The following LAMA2 variants were observed in gnomAD, a reference collection of about 807,000 sequenced individuals.
LAMA2 encodes the protein laminin subunit alpha 2, also known as laminin subunit alpha-2.
In LAMA2, 269 loss-of-function variants were observed where a neutral mutation model predicts 364.8. The ratio of observed to expected loss-of-function variants is 0.74; its 90% CI spans 0.67 to 0.82. LAMA2 has a LOEUF of 0.82. LAMA2 is among the 40% of genes least tolerant of loss of function. LAMA2 has a pLI of 0.00. For missense variants in LAMA2, 3,807 were observed against 3,873.2 expected, an observed-to-expected ratio of 0.98 and a Z score of 0.45; for synonymous variants, 1,379 against 1,370.6, an observed-to-expected ratio of 1.01 and a Z score of -0.14.
intron 4 of LAMA2, among the ~76,000 whole-genome samples, chr6:129,128,859 T>C (rs1277956548): frequency 6.6e-6 from 1 of 152,256 alleles, no homozygotes; most frequent in Non-Finnish European, 1.5e-5. Context: ...AGTAAAATCT[T>C]TTCCATGGTG....
rs1789299050 is a variant in LAMA2 at position 129,287,032 on chromosome 6, GAGGGAGGAAGGAAGGAAGCAAGGA to G, written c.2538-811_2538-788del. ...GGAAGGAGGGAGAGAGGGAGGGAGG[GAGGGAGGAAGGAAGGAAGCAAGGA>G]AGGAAGGAAGGGAGGAAAGAGGGAG... On this transcript the variant is annotated intron_variant, in intron 18 of 64. Coordinates refer to ENST00000421865, the MANE Select transcript of LAMA2 (RefSeq NM_000426.4). Among the ~76,000 whole-genome samples, 3 of 12,150 alleles carry G rather than the reference GAGGGAGGAAGGAAGGAAGCAAGGA, an allele frequency of 2.5e-4. 1 individual carries two copies. Among genetic ancestry groups the G allele is most frequent in the Non-Finnish European group, 3.7e-4 (2 of 5,414 alleles). The allele number at this position is 12,150 out of a possible 152,430, so 8.0% of individuals were successfully genotyped here.
rs1789295760 is a variant in LAMA2 at position 129,066,047 on chromosome 6, T to TTTTTCTTTTTTTTC, written c.396+6155_396+6156insCTTTTTTTTCTTTT. ...AATTGCCCAGTCTCAGGTTTTTTTTTTTTTTTTTTTTTTTTTGAGACGCAG... is the reference window on the plus strand; with the variant it reads ...AATTGCCCAGTCTCAGGTTTTTTTTTTTTTCTTTTTTTTCTTTTTTTTTTTTTTTTGAGACGCAG... On this transcript the variant is annotated intron_variant, in intron 3 of 64. Coordinates refer to ENST00000421865, the MANE Select transcript of LAMA2 (RefSeq NM_000426.4). Among the ~76,000 whole-genome samples the TTTTTCTTTTTTTTC allele has an allele frequency of 2.4e-5, 2 of 81,864 alleles. 1 individual carries two copies. The highest frequency in any genetic ancestry group is 5.0e-5 in the Non-Finnish European group (2 of 40,334). 53.7% of individuals were successfully genotyped at this position (81,864 alleles called of 152,430 possible).
At chr6:129,362,264 C>T (rs1370445967) in intron 32 of LAMA2, among the ~76,000 whole-genome samples, 2 of 152,186 alleles carry the variant, frequency 1.3e-5, no homozygotes, top group Non-Finnish European at 2.9e-5. Flanking sequence ...ATCGGACAGT[C>T]TCTGCCTCTG....
At chr6:129,358,447 C>A (rs1376148001) in intron 32 of LAMA2, among the ~76,000 whole-genome samples, 1 of 151,986 alleles carries the variant, frequency 6.6e-6, no homozygotes, top group Non-Finnish European at 1.5e-5. Context: ...TCTACTCTGG[C>A]AAGGCTCAGG....
At chr6:129,283,177 T>C (rs1788847255) in intron 18 of LAMA2, among the ~76,000 whole-genome samples, 1 of 152,130 alleles carries the variant, frequency 6.6e-6, no homozygotes. Flanking sequence ...GTATTCATGA[T>C]GATACCTTTG....
intron 42 of LAMA2, among the ~76,000 whole-genome samples, chr6:129,439,471 GAC>G (rs1001992189): frequency 6.6e-6 from 1 of 151,926 alleles, no homozygotes; most frequent in Non-Finnish European, 1.5e-5. Context: ...CCACCACAAA[GAC>G]ACAGTTTATT....
At chr6:129,121,392 C>CTGGGCTATTATGCTG in intron 4 of LAMA2, among the ~76,000 whole-genome samples, 1 of 152,228 alleles carries the variant, frequency 6.6e-6, no homozygotes, top group African/African-American at 2.4e-5. Flanking sequence ...CTGTTGTTTA[C>CTGGGCTATTATGCTG]CATTGCATTT....
chr6:129,165,863 TTAATTA>T (rs1162920763), intron 9 of LAMA2, among the ~76,000 whole-genome samples, 188 bp downstream of exon 9: 1 of 152,202 alleles, frequency 6.6e-6, no homozygotes, highest in Non-Finnish European at 1.5e-5. Flanking sequence ...ACTTTCATGT[TTAATTA>T]TAATGTTTTC....
Position 129,516,239 on chromosome 6 carries a change from C to G in LAMA2, c.9261C>G (p.Cys3087Trp). 3.7e-6 allele frequency: 6 copies of G among 1,614,110 alleles called. No homozygotes were observed. Among genetic ancestry groups the G allele is most frequent in the Middle Eastern group, 1.6e-4 (1 of 6,062 alleles). The change falls in exon 65 of 65, where the codon TGC becomes TGG. Residue 3087 changes from cysteine to tryptophan, a missense_variant. By Grantham distance (215) the Cys-to-Trp change is radical. Coordinates refer to ENST00000421865, the MANE Select transcript of LAMA2 (RefSeq NM_000426.4). ...CAACCAGTATTCCGTTCCGAGGTTG[C>G]ATCAGATCCCTGAAGCTCACCAAAG... ...GLTTSIPFRGCIRSLKLTKGT... is the reference protein window; with the variant it reads ...GLTTSIPFRGWIRSLKLTKGT...
intron 4 of LAMA2, among the ~76,000 whole-genome samples, chr6:129,133,706 C>A (rs144406027): frequency 6.6e-6 from 1 of 152,296 alleles, no homozygotes; most frequent in East Asian, 1.9e-4. Context: ...AAGTCTCTGA[C>A]ATCTTGAGTT....
At chr6:128,941,285 T>A (rs1041880842) in intron 1 of LAMA2, among the ~76,000 whole-genome samples, 2 of 152,226 alleles carry the variant, frequency 1.3e-5, no homozygotes, top group Non-Finnish European at 1.5e-5. Context: ...ACCCGCCATA[T>A]AATGTTAGGT....
In LAMA2 at chr6:129,243,934, A is replaced by G. The variant is rs189647464; in HGVS notation, c.1783-6178A>G. ...GGAGAAGATGGGTAACAGGAAAAAA[A>G]GAGGGCAGGAAAAGCAGATAGGAAG... is the stretch of plus-strand genomic sequence containing the variant. On this transcript the variant is annotated intron_variant, in intron 12 of 64. Transcript: ENST00000421865. Among the ~76,000 whole-genome samples, 105 of 152,062 alleles carry G rather than the reference A, an allele frequency of 6.9e-4. 1 individual carries two copies. The highest frequency in any genetic ancestry group is 2.4e-3 in the African/African-American group (99 of 41,516).
chr6:128,959,121 C>T (rs1439886300), intron 1 of LAMA2, among the ~76,000 whole-genome samples: 3 of 152,094 alleles, frequency 2.0e-5, no homozygotes, highest in Admixed American at 2.0e-4. Flanking sequence ...TTAATAATTG[C>T]TTTGTTTTGA....
At chr6:129,101,629 A>C (rs1000937541) in intron 4 of LAMA2, among the ~76,000 whole-genome samples, 6 of 152,342 alleles carry the variant, frequency 3.9e-5, no homozygotes, top group Non-Finnish European at 8.8e-5. Context: ...AAATTAAATT[A>C]AAATTCCATT....
At chr6:129,316,284 T>G (rs1562452031) in intron 27 of LAMA2, 113 bp downstream of exon 27, 1 of 861,400 alleles carries the variant, frequency 1.2e-6, no homozygotes. Context: ...TGCAGTATAA[T>G]GATAGAAGAT....
At chr6:129,434,121 A>T (rs1037266833) in intron 41 of LAMA2, among the ~76,000 whole-genome samples, 14 of 152,166 alleles carry the variant, frequency 9.2e-5, no homozygotes. Flanking sequence ...GCCCTAATTT[A>T]TATTTAGCAT....
At chr6:129,147,355 G>A (rs1778527742) in intron 6 of LAMA2, among the ~76,000 whole-genome samples, 1 of 149,350 alleles carries the variant, frequency 6.7e-6, no homozygotes. Flanking sequence ...TAGCTTTAGA[G>A]AACGCCTGCC....
At chr6:129,363,164 T>A (rs1264976023) in intron 32 of LAMA2, among the ~76,000 whole-genome samples, 2 of 152,062 alleles carry the variant, frequency 1.3e-5, no homozygotes, top group African/African-American at 4.8e-5. Flanking sequence ...ACTAGCTGGA[T>A]GTGGTGGCAT....
chr6:129,223,041 G>A (rs1200130624), intron 12 of LAMA2, among the ~76,000 whole-genome samples: 3 of 152,172 alleles, frequency 2.0e-5, no homozygotes, highest in African/African-American at 7.2e-5. Flanking sequence ...CAGTCTAACT[G>A]GTGTAGGATG....
Sources: gnomAD v4.1 joint callset for allele counts (sites outside exome capture counted in the v4.1 genomes callset) on GRCh38, gnomAD v4.1.1 for gene constraint, MANE v1.5 for transcripts, NCBI Gene and HGNC (gene_info 2026-07-23, HGNC 2026-07-21) for gene names.